The following PTPRG variants were observed in gnomAD, a reference collection of about 807,000 sequenced individuals.
The protein encoded by PTPRG is receptor-type tyrosine-protein phosphatase gamma.
In PTPRG, 102 loss-of-function variants were observed where a neutral mutation model predicts 165.3. The observed-to-expected ratio is 0.62, with a 90% CI of 0.53 to 0.73. The LOEUF (loss-of-function observed/expected upper bound fraction) is 0.73, where lower values mean the gene tolerates loss of function less well. Among genes scored for constraint, PTPRG ranks in the 30% least tolerant of loss-of-function variants. PTPRG has a pLI of 0.00. For missense variants in PTPRG, 1,866 were observed against 1,861.4 expected, an observed-to-expected ratio of 1.00 and a Z score of -0.05; for synonymous variants, 675 against 669.5, an observed-to-expected ratio of 1.01 and a Z score of -0.13.
chr3:61,590,999 A>G (rs901863602), intron 1 of PTPRG, among the ~76,000 whole-genome samples: 1 of 152,156 alleles, frequency 6.6e-6, no homozygotes, highest in Non-Finnish European at 1.5e-5. Flanking sequence ...AATCCCAGCT[A>G]TTTGAGAGGC....
chr3:61,794,270 T>G (rs1343624296), intron 2 of PTPRG, among the ~76,000 whole-genome samples: 1 of 152,206 alleles, frequency 6.6e-6, no homozygotes, highest in African/African-American at 2.4e-5. Context: ...CTTAAGGATG[T>G]GTTAGAATTA....
chr3:61,863,251 A>G (rs954000922), intron 2 of PTPRG, among the ~76,000 whole-genome samples: 7 of 151,794 alleles, frequency 4.6e-5, no homozygotes, highest in African/African-American at 1.7e-4. Context: ...TCCTTTCTTC[A>G]CTCCTCTTCT....
At chr3:61,985,419 C>T (rs73839625) in intron 2 of PTPRG, among the ~76,000 whole-genome samples, 1 of 152,282 alleles carries the variant, frequency 6.6e-6, no homozygotes, top group South Asian at 2.1e-4. Context: ...TATACATTTA[C>T]AAGCCAGTAA....
intron 4 of PTPRG, among the ~76,000 whole-genome samples, chr3:62,025,591 T>G (rs924348924): frequency 6.6e-6 from 1 of 152,214 alleles, no homozygotes; most frequent in African/African-American, 2.4e-5. Context: ...TGGAGTAATT[T>G]TTTTCCCTTT....
At chr3:61,979,216 T>C (rs2040581452) in intron 2 of PTPRG, among the ~76,000 whole-genome samples, 1 of 152,252 alleles carries the variant, frequency 6.6e-6, no homozygotes, top group Non-Finnish European at 1.5e-5. Flanking sequence ...TTTTTCCTTT[T>C]GGTTCAGAGT....
At chr3:62,152,263 T>C (rs1704364333) in intron 6 of PTPRG, among the ~76,000 whole-genome samples, 1 of 151,824 alleles carries the variant, frequency 6.6e-6, no homozygotes, top group South Asian at 2.1e-4. Context: ...TCCTAGCTAC[T>C]CAGGAAGCTG....
At position 61,707,956 on chromosome 3, in the gene PTPRG, T is replaced by G. The variant is rs143667372; in HGVS notation, c.86-40922T>G. 3.9e-3 allele frequency among the ~76,000 whole-genome samples: 597 copies of G among 152,084 alleles called. 6 individuals are homozygous for G. The highest frequency in any genetic ancestry group is 0.014 in the African/African-American group (569 of 41,472). On this transcript the variant is annotated intron_variant, in intron 1 of 29. Coordinates refer to ENST00000474889, the MANE Select transcript of PTPRG (RefSeq NM_002841.4). ...GGTGCACACCACTGTGACCAGATAA[T>G]TTTTGTATTTTTTGTAGAGATAGGG...
chr3:62,177,255 C>T (rs537057080), intron 8 of PTPRG, among the ~76,000 whole-genome samples: 63 of 152,246 alleles, frequency 4.1e-4, no homozygotes, highest in African/African-American at 1.5e-3. Context: ...CCACTGCACT[C>T]CAGCCTGGGT....
intron 4 of PTPRG, among the ~76,000 whole-genome samples, chr3:62,041,464 G>A (rs1189267788): frequency 6.6e-6 from 1 of 152,170 alleles, no homozygotes; most frequent in Non-Finnish European, 1.5e-5. Context: ...AATTAACAAA[G>A]GATTGAGCAT....
At chr3:62,186,053 G>C (rs570092061) in intron 8 of PTPRG, among the ~76,000 whole-genome samples, 1 of 152,300 alleles carries the variant, frequency 6.6e-6, no homozygotes, top group East Asian at 1.9e-4. Flanking sequence ...GCAGAACTTT[G>C]GAAGCACAAG....
At chr3:61,763,706 A>G (rs972459405) in intron 2 of PTPRG, among the ~76,000 whole-genome samples, 1 of 152,120 alleles carries the variant, frequency 6.6e-6, no homozygotes, top group Non-Finnish European at 1.5e-5. Flanking sequence ...ACCCCATGGC[A>G]CTTAATAAAG....
rs138837646 is a variant in PTPRG at position 62,175,247 on chromosome 3, A to C, written c.1033+7084A>C. Among the ~76,000 whole-genome samples, 1,127 of 152,330 alleles carry C rather than the reference A, an allele frequency of 7.4e-3. 5 individuals carry two copies. The highest frequency in any genetic ancestry group is 0.013 in the Non-Finnish European group (892 of 68,030). On this transcript the variant is annotated intron_variant, in intron 8 of 29. Coordinates refer to ENST00000474889, the MANE Select transcript of PTPRG (RefSeq NM_002841.4). Reference sequence around the variant, plus strand: ...TTGTAGCTAGTAAATTTCTTTTCATATGTCAGACATTTTTTCTAGCTTTGA... The same window carrying C: ...TTGTAGCTAGTAAATTTCTTTTCATCTGTCAGACATTTTTTCTAGCTTTGA...
chr3:62,173,512 A>G (rs1364297584), intron 8 of PTPRG, among the ~76,000 whole-genome samples: 1 of 152,168 alleles, frequency 6.6e-6, no homozygotes, highest in Non-Finnish European at 1.5e-5. Flanking sequence ...AGAACCCTAA[A>G]TGGGGAAATC....
chr3:62,186,815 C>A (rs1012706259), intron 8 of PTPRG, among the ~76,000 whole-genome samples: 2 of 152,106 alleles, frequency 1.3e-5, no homozygotes, highest in African/African-American at 4.8e-5. Context: ...GATCCACCCA[C>A]CATGGCCTCC....
chr3:61,717,639 A>G (rs1326664608), intron 1 of PTPRG, among the ~76,000 whole-genome samples: 1 of 152,054 alleles, frequency 6.6e-6, no homozygotes, highest in Non-Finnish European at 1.5e-5. Context: ...TACAAAAAAA[A>G]TTAGCTGGGC....
intron 2 of PTPRG, among the ~76,000 whole-genome samples, chr3:61,772,235 T>G (rs1428561184): frequency 2.0e-5 from 3 of 152,032 alleles, no homozygotes; most frequent in African/African-American, 7.2e-5. Flanking sequence ...AATATGTTCT[T>G]GGAGACTACT....
In PTPRG at chr3:61,610,283, A is replaced by G. The variant is rs536488730; in HGVS notation, c.85+47911A>G. Among the ~76,000 whole-genome samples, 31 of 152,178 alleles carry G rather than the reference A, an allele frequency of 2.0e-4. 1 individual carries two copies. In the South Asian group the frequency reaches 5.8e-3, roughly 29 times the overall value. On this transcript the variant is annotated intron_variant, in intron 1 of 29. Transcript: ENST00000474889. ...GTCTAAGTGCTGTGTGTTCACTTCT[A>G]TGCATAGTCAAAAATAACAGTAATA...
chr3:61,601,128 C>T lies in PTPRG; in HGVS notation c.85+38756C>T, dbSNP rs564997178. ...AAAATTAGCCAGACGTGATGGCACA[C>T]GCCTGTAGTCCCACCTCCTTGGGAG... is the stretch of plus-strand genomic sequence containing the variant. On this transcript the variant is annotated intron_variant, in intron 1 of 29. Transcript: ENST00000474889. 4.6e-5 allele frequency among the ~76,000 whole-genome samples: 7 copies of T among 152,248 alleles called. No homozygotes were observed. The East Asian group carries it at 5.8e-4, about 13-fold the overall frequency.
Position 62,285,423 on chromosome 3 carries a change from G to A in PTPRG, c.4055+2554G>A, listed in dbSNP as rs189983828. Reference sequence around the variant, plus strand: ...GAAGGCCTGCACGCATTTGATCTGTGAGGCAGAGAGTTGAACTTTTAGTGT... The same window carrying A: ...GAAGGCCTGCACGCATTTGATCTGTAAGGCAGAGAGTTGAACTTTTAGTGT... On this transcript the variant is annotated intron_variant, in intron 28 of 29. Coordinates refer to ENST00000474889, the MANE Select transcript of PTPRG (RefSeq NM_002841.4). Among the ~76,000 whole-genome samples the A allele has an allele frequency of 1.8e-4, 27 of 149,956 alleles. No individual in the cohort carries two copies. The East Asian group carries it at 2.0e-3, about 11-fold the overall frequency.
Sources: allele counts gnomAD v4.1 joint callset (sites outside exome capture counted in the v4.1 genomes callset), GRCh38; gene constraint gnomAD v4.1.1; transcripts MANE v1.5; gene names NCBI Gene and HGNC (gene_info 2026-07-23, HGNC 2026-07-21).